Variants in ADAMTSL3 observed in about 807,000 individuals in gnomAD.
ADAMTSL3 encodes the protein ADAMTS like 3, also known as ADAMTS-like protein 3.
In ADAMTSL3, 128 loss-of-function variants were observed where a neutral mutation model predicts 201.7. The observed-to-expected ratio is 0.63, with a 90% confidence interval of 0.55 to 0.73. The LOEUF is 0.73. Among genes scored for constraint, ADAMTSL3 ranks in the 30% least tolerant of loss-of-function variants. ADAMTSL3 has a pLI of 0.00. For synonymous variants in ADAMTSL3, 738 were observed against 748.4 expected, an observed-to-expected ratio of 0.99 and a Z score of 0.23; for missense variants, 1,990 against 2,119.6, an observed-to-expected ratio of 0.94 and a Z score of 1.20.
chr15:83,726,934 C>G (rs968727477), intron 3 of ADAMTSL3, among the ~76,000 whole-genome samples: 1 of 151,460 alleles, frequency 6.6e-6, no homozygotes, highest in South Asian at 2.1e-4. Flanking sequence ...AGTATTCTCT[C>G]CTCGATTTTT....
At chr15:83,960,648 A>C (rs561145955) in intron 19 of ADAMTSL3, among the ~76,000 whole-genome samples, 1 of 152,274 alleles carries the variant, frequency 6.6e-6, no homozygotes, top group South Asian at 2.1e-4. Context: ...AGGGGCAGCA[A>C]TTGTTGGATT....
chr15:83,818,667 G>A (rs1371350854), intron 5 of ADAMTSL3, among the ~76,000 whole-genome samples: 1 of 152,082 alleles, frequency 6.6e-6, no homozygotes, highest in Non-Finnish European at 1.5e-5. Flanking sequence ...TAATTATGAA[G>A]TTTGCATATC....
intron 3 of ADAMTSL3, among the ~76,000 whole-genome samples, chr15:83,758,197 A>G (rs956068084): frequency 1.3e-5 from 2 of 152,212 alleles, no homozygotes; most frequent in Non-Finnish European, 2.9e-5. Context: ...TGATAAAGAC[A>G]TACCTGAGAC....
chr15:83,859,694 CTGTT>C (rs2064815973), intron 8 of ADAMTSL3, among the ~76,000 whole-genome samples: 1 of 152,118 alleles, frequency 6.6e-6, no homozygotes. Flanking sequence ...TGGTGGTACC[CTGTT>C]GGGTACCCCC....
chr15:83,979,624 G>A (rs922185469), intron 20 of ADAMTSL3, among the ~76,000 whole-genome samples: 1 of 152,180 alleles, frequency 6.6e-6, no homozygotes, highest in African/African-American at 2.4e-5. Flanking sequence ...AGGCAACCTT[G>A]CCAATTGCAG....
chr15:84,027,273 T>C (rs1178485815), intron 27 of ADAMTSL3, among the ~76,000 whole-genome samples: 4 of 152,210 alleles, frequency 2.6e-5, no homozygotes, highest in Admixed American at 6.5e-5. Context: ...ATGCTGCTGA[T>C]GGGAATGTAA....
rs767522149 is a variant in ADAMTSL3, at chr15:84,037,707, C to T, written c.4977C>T (p.Cys1659=). Residue 1659 remains cysteine, a synonymous_variant, in exon 30 of 30, where the codon TGC becomes TGT. Transcript: ENST00000286744. ...TTTGTTTCTTTTTTGCAGGAGACTG[C>T]ACAGACACAACTCACTACTGTATGT... ...HCLGPSCDRD[C]TDTTHYCMFV... The T allele has an allele frequency of 2.0e-5, 32 of 1,603,412 alleles. No individual in the cohort carries two copies. The highest frequency in any genetic ancestry group is 6.7e-5 in the African/African-American group (5 of 74,230).
Position 83,988,701 on chromosome 15 carries a change from G to T in ADAMTSL3, c.3727G>T (p.Asp1243Tyr). ...LLQPSVKIIL[D>Y]GTGKIQIQNP... ...CTAACTGTTCTACAGAATAATTTTG[G>T]ATGGAACTGGGAAGATACAGATACA... Residue 1243 changes from aspartate (D) to tyrosine (Y), a missense_variant, in exon 22 of 30, where the codon GAT becomes TAT. Asp to Tyr is a radical substitution (Grantham distance 160). Transcript: ENST00000286744. The T allele has an allele frequency of 1.3e-6, 2 of 1,598,656 alleles. No homozygotes were observed. Among genetic ancestry groups the T allele is most frequent in the Non-Finnish European group, 1.7e-6 (2 of 1,171,642 alleles).
At chr15:83,926,058 T>A (rs1273102741) in intron 17 of ADAMTSL3, among the ~76,000 whole-genome samples, 1 of 152,196 alleles carries the variant, frequency 6.6e-6, no homozygotes, top group African/African-American at 2.4e-5. Flanking sequence ...ATAAACAGCG[T>A]CTCAAGAGCA....
chr15:83,892,292 G>C (rs1189795989), intron 12 of ADAMTSL3, among the ~76,000 whole-genome samples: 1 of 152,038 alleles, frequency 6.6e-6, no homozygotes, highest in Admixed American at 6.6e-5. Flanking sequence ...AGCACTTTGG[G>C]ATGCTGAGGC....
intron 23 of ADAMTSL3, among the ~76,000 whole-genome samples, chr15:84,005,949 G>A (rs1252887669): frequency 6.6e-6 from 1 of 152,190 alleles, no homozygotes; most frequent in Non-Finnish European, 1.5e-5. Context: ...TTTGGAGACA[G>A]TTCTGGATAT....
At chr15:83,796,154 C>T (rs1305685433) in intron 4 of ADAMTSL3, among the ~76,000 whole-genome samples, 1 of 151,970 alleles carries the variant, frequency 6.6e-6, no homozygotes, top group East Asian at 1.9e-4. Context: ...TAAGAATGCC[C>T]ACTGTCATTG....
At chr15:83,710,479 C>G (rs181857682) in intron 3 of ADAMTSL3, among the ~76,000 whole-genome samples, 1 of 152,114 alleles carries the variant, frequency 6.6e-6, no homozygotes, top group African/African-American at 2.4e-5. Flanking sequence ...TCCCTCCCCC[C>G]ACCACCTTCA....
intron 23 of ADAMTSL3, among the ~76,000 whole-genome samples, chr15:84,000,064 A>T (rs1219926155): frequency 1.3e-5 from 2 of 152,122 alleles, no homozygotes; most frequent in Non-Finnish European, 2.9e-5. Context: ...TTGGCCAAAA[A>T]AAAAAAAGAA....
chr15:83,960,861 A>G (rs76114484), intron 19 of ADAMTSL3, among the ~76,000 whole-genome samples: 112 of 152,312 alleles, frequency 7.4e-4, no homozygotes, highest in African/African-American at 2.7e-3. Context: ...TCAAAGCACC[A>G]GCATAATATC....
In ADAMTSL3 at chr15:84,021,607, C is replaced by A. The variant is rs753654124; in HGVS notation, c.4457+14C>A. 3 of 1,609,816 alleles carry A rather than the reference C, an allele frequency of 1.9e-6. No individual in the cohort carries two copies. The highest frequency in any genetic ancestry group is 1.7e-6 in the Non-Finnish European group (2 of 1,177,382). The stretch of plus-strand genomic sequence containing the variant: ...CTGCCCAGCGAGGTAAGTGAAGTCA[C>A]TCTTTGTATCTCATCAACACCAAGT... On this transcript the variant is annotated intron_variant, in intron 26 of 29. Transcript: ENST00000286744.
chr15:83,794,979 A>G (rs1251779555), intron 4 of ADAMTSL3, among the ~76,000 whole-genome samples: 1 of 151,910 alleles, frequency 6.6e-6, no homozygotes. Flanking sequence ...CAGCCTCCCA[A>G]GTAGCTGGGA....
At chr15:84,020,316 C>G (rs2068176654) in intron 25 of ADAMTSL3, among the ~76,000 whole-genome samples, 1 of 152,168 alleles carries the variant, frequency 6.6e-6, no homozygotes, top group South Asian at 2.1e-4. Flanking sequence ...CAGTTTCATT[C>G]AGTTTCCACC....
intron 17 of ADAMTSL3, among the ~76,000 whole-genome samples, chr15:83,935,992 A>G (rs1213367491): frequency 6.6e-6 from 1 of 152,080 alleles, no homozygotes; most frequent in Non-Finnish European, 1.5e-5. Flanking sequence ...ATTTTCACTA[A>G]AGACAATTTT....
Sources: allele counts gnomAD v4.1 joint callset (sites outside exome capture counted in the v4.1 genomes callset), GRCh38; gene constraint gnomAD v4.1.1; transcripts MANE v1.5; gene names NCBI Gene and HGNC (gene_info 2026-07-23, HGNC 2026-07-21).